The following UBE2E1 variants were observed in gnomAD, a reference collection of about 807,000 sequenced individuals.
UBE2E1 encodes ubiquitin conjugating enzyme E2 E1.
Under a neutral mutation model 21.4 loss-of-function variants are expected in UBE2E1, and 6 were observed. That is an observed-to-expected ratio of 0.28 (90% CI 0.15 to 0.55). The LOEUF (loss-of-function observed/expected upper bound fraction) is 0.55, where lower values mean the gene tolerates loss of function less well. Ranked by LOEUF, UBE2E1 falls within the 20% of genes least tolerant of loss-of-function variation. The pLI is 0.93. For synonymous variants in UBE2E1, 87 were observed against 82.7 expected, an observed-to-expected ratio of 1.05 and a Z score of -0.28; for missense variants, 142 against 236.5, an observed-to-expected ratio of 0.60 and a Z score of 2.62.
chr3:23,888,640 A>G (rs974243150), intron 4 of UBE2E1, among the ~76,000 whole-genome samples: 1 of 151,974 alleles, frequency 6.6e-6, no homozygotes, highest in African/African-American at 2.4e-5. Context: ...GCAGAAATAG[A>G]CTTCTCTTCA....
Position 23,887,815 on chromosome 3 carries a change from G to C in UBE2E1, c.336+116G>C, listed in dbSNP as rs1489241364. ...ACTAGATTTATCTTATGTCCTAATA[G>C]ATCTGAGTATTTTAACATATACAAA... On this transcript the variant is annotated intron_variant, in intron 4 of 5. Transcript: ENST00000306627. The surrounding 1 kb of genome is among the most constrained non-coding windows in gnomAD (Gnocchi z 4.4). The C allele has an allele frequency of 1.5e-6, 2 of 1,354,268 alleles. No homozygotes were observed. The highest frequency in any genetic ancestry group is 1.5e-5 in the South Asian group (1 of 66,752). The allele number at this position is 1,354,268 out of a possible 1,614,324, so 83.9% of individuals were successfully genotyped here.
At chr3:23,878,783 C>T (rs561521984) in intron 3 of UBE2E1, among the ~76,000 whole-genome samples, 30 of 152,310 alleles carry the variant, frequency 2.0e-4, no homozygotes, top group African/African-American at 7.0e-4. Context: ...AAAACAAGCT[C>T]GGGGGCTCCC....
rs1700401893 is a variant in UBE2E1 at position 23,854,816 on chromosome 3, G to T, written c.204-32751G>T. 1.3e-5 allele frequency among the ~76,000 whole-genome samples: 2 copies of T among 152,132 alleles called. 1 individual carries two copies. The highest frequency in any genetic ancestry group is 4.1e-4 in the South Asian group (2 of 4,824). ...TGGAAGGCTGAATTTAAGTCCTAAG[G>T]TTACATGAGAATTCACTGAGAAGCA... is the stretch of plus-strand genomic sequence containing the variant. On this transcript the variant is annotated intron_variant, in intron 3 of 5. Coordinates refer to ENST00000306627, the MANE Select transcript of UBE2E1 (RefSeq NM_003341.5).
intron 3 of UBE2E1, among the ~76,000 whole-genome samples, chr3:23,840,526 A>C (rs997082804): frequency 4.6e-5 from 7 of 152,182 alleles, no homozygotes; most frequent in African/African-American, 1.4e-4. Context: ...CAGAACAGCT[A>C]TTAAGGCTAA....
In UBE2E1 at chr3:23,882,298, G is replaced by T. The variant is rs577586061; in HGVS notation, c.204-5269G>T. 1.1e-4 allele frequency among the ~76,000 whole-genome samples: 16 copies of T among 152,308 alleles called. No homozygotes were observed. In the South Asian group the frequency reaches 3.3e-3, roughly 32 times the overall value. On this transcript the variant is annotated intron_variant, in intron 3 of 5. Transcript: ENST00000306627. ...TGGTGCGTTTACAATCTCTGAGCTA[G>T]ACACAAAAGTTCTCCAAGTCCCCAC...
At chr3:23,832,748 T>C (rs1452661344) in intron 3 of UBE2E1, among the ~76,000 whole-genome samples, 1 of 151,826 alleles carries the variant, frequency 6.6e-6, no homozygotes, top group African/African-American at 2.4e-5. Flanking sequence ...AAAAGAAAAA[T>C]ACAGGGATGT....
At chr3:23,822,274 G>A (rs746557270) in intron 3 of UBE2E1, among the ~76,000 whole-genome samples, 2 of 152,074 alleles carry the variant, frequency 1.3e-5, no homozygotes, top group Non-Finnish European at 2.9e-5. Flanking sequence ...AAGGAGGAAT[G>A]ATTTTCAAGA....
intron 3 of UBE2E1, among the ~76,000 whole-genome samples, chr3:23,837,161 A>T (rs903714662): frequency 3.9e-5 from 6 of 152,240 alleles, no homozygotes; most frequent in African/African-American, 1.4e-4. Context: ...AAGCACTTGG[A>T]ACAGTGCCTG....
intron 3 of UBE2E1, among the ~76,000 whole-genome samples, chr3:23,818,891 G>T (rs1434163537): frequency 6.6e-6 from 1 of 152,192 alleles, no homozygotes; most frequent in Non-Finnish European, 1.5e-5. Flanking sequence ...CCTAGAGGGA[G>T]ATCAAGGAAA....
chr3:23,870,053 GC>G lies in UBE2E1; in HGVS notation c.204-17512del, dbSNP rs1188943408. Among the ~76,000 whole-genome samples, 1 of 152,182 alleles carries G rather than the reference GC, an allele frequency of 6.6e-6. No homozygotes were observed. The highest frequency in any genetic ancestry group is 2.4e-5 in the African/African-American group (1 of 41,430). ...GGGGCTAGGACTGGAGTCATGTGAA[GC>G]CTTCCTCACTTTTACATGTCTGGTT... On this transcript the variant is annotated intron_variant, in intron 3 of 5. Transcript: ENST00000306627. The surrounding 1 kb of genome is among the most constrained non-coding windows in gnomAD (Gnocchi z 4.2).
chr3:23,871,052 A>G (rs1391788751), intron 3 of UBE2E1, among the ~76,000 whole-genome samples: 1 of 151,838 alleles, frequency 6.6e-6, no homozygotes, highest in African/African-American at 2.4e-5. Context: ...TACAGAACAA[A>G]ATGAAAAGTG....
intron 3 of UBE2E1, among the ~76,000 whole-genome samples, chr3:23,849,391 C>T (rs1400818100): frequency 6.6e-6 from 1 of 152,020 alleles, no homozygotes; most frequent in Non-Finnish European, 1.5e-5. Flanking sequence ...GCAGAATGTG[C>T]AGGTTTGTTA....
rs191141438 is a variant in UBE2E1, at chr3:23,829,839, A to G, written c.203+18329A>G. The stretch of plus-strand genomic sequence containing the variant: ...AGATAAAAGGAGAAAGCCTTCAGCA[A>G]ATTTGTGAGTTGATAAGCATGGATT... On this transcript the variant is annotated intron_variant, in intron 3 of 5. Coordinates refer to ENST00000306627, the MANE Select transcript of UBE2E1 (RefSeq NM_003341.5). Among the ~76,000 whole-genome samples the G allele has an allele frequency of 3.3e-5, 5 of 152,192 alleles. 1 individual carries two copies. Among genetic ancestry groups the G allele is most frequent in the Admixed American group, 1.3e-4 (2 of 15,280 alleles).
intron 3 of UBE2E1, among the ~76,000 whole-genome samples, chr3:23,857,759 A>G (rs1264890519): frequency 6.6e-6 from 1 of 152,190 alleles, no homozygotes; most frequent in East Asian, 1.9e-4. Flanking sequence ...GCTTATGGAA[A>G]TGGTTCCCAG....
intron 3 of UBE2E1, among the ~76,000 whole-genome samples, chr3:23,856,670 A>G (rs527603160): frequency 6.8e-4 from 103 of 152,244 alleles, no homozygotes; most frequent in Admixed American, 2.0e-3. Flanking sequence ...TACCACTCCA[A>G]TGGGAACTCC....
At chr3:23,888,742 A>G (rs1701263295) in intron 4 of UBE2E1, among the ~76,000 whole-genome samples, 1 of 152,228 alleles carries the variant, frequency 6.6e-6, no homozygotes, top group South Asian at 2.1e-4. Flanking sequence ...TTCAGTTTTT[A>G]AGAGGTATTT....
rs140763733 is a variant in UBE2E1 at position 23,810,286 on chromosome 3, A to C, written c.153-1174A>C. On this transcript the variant is annotated intron_variant, in intron 2 of 5. Coordinates refer to ENST00000306627, the MANE Select transcript of UBE2E1 (RefSeq NM_003341.5). The surrounding 1 kb of genome is among the most constrained non-coding windows in gnomAD (Gnocchi z 5.8). ...AAGGTGGAAGAAGCTTAGAGGCCCT[A>C]AACTGTCGTATTAATTGATGCTCTA... 7.4e-4 allele frequency among the ~76,000 whole-genome samples: 113 copies of C among 152,350 alleles called. 1 individual carries two copies. The highest frequency in any genetic ancestry group is 4.8e-3 in the South Asian group (23 of 4,832).
intron 3 of UBE2E1, among the ~76,000 whole-genome samples, chr3:23,883,729 A>G (rs1348749570): frequency 6.6e-6 from 1 of 152,004 alleles, no homozygotes; most frequent in Admixed American, 6.6e-5. Flanking sequence ...CGGTCTAGCC[A>G]ATATGGTGAA....
At chr3:23,820,943 CT>C (rs2125286681) in intron 3 of UBE2E1, among the ~76,000 whole-genome samples, 1 of 152,256 alleles carries the variant, frequency 6.6e-6, no homozygotes, top group South Asian at 2.1e-4. Context: ...AATAGAGTAA[CT>C]TGGGATGATC....
Sources: allele counts gnomAD v4.1 joint callset (sites outside exome capture counted in the v4.1 genomes callset), GRCh38; gene constraint gnomAD v4.1.1; non-coding constraint Gnocchi (gnomAD v3.1); transcripts MANE v1.5; gene names NCBI Gene and HGNC (gene_info 2026-07-23, HGNC 2026-07-21).